FURIN: variants seen among roughly 807,000 people sequenced by gnomAD.
FURIN encodes the protein FES upstream region.
Under a neutral mutation model 89.2 loss-of-function variants are expected in FURIN, and 18 were observed. That is an observed-to-expected ratio of 0.20 (90% CI 0.14 to 0.30). The LOEUF (loss-of-function observed/expected upper bound fraction) is 0.30. Ranked by LOEUF, FURIN falls within the 10% of genes least tolerant of loss-of-function variation. The pLI is 1.00. For synonymous variants in FURIN, 508 were observed against 466.4 expected, an observed-to-expected ratio of 1.09 and a Z score of -1.15; for missense variants, 879 against 1,100.5, an observed-to-expected ratio of 0.80 and a Z score of 2.85.
intron 8 of FURIN, 33 bp downstream of exon 8, chr15:90,878,337 A>G: frequency 6.5e-7 from 1 of 1,527,012 alleles, no homozygotes; most frequent in South Asian, 1.2e-5. Flanking sequence ...CCCTGCGGGC[A>G]GGTTGGGTGC....
chr15:90,870,536 G>A (rs1185425207), intron 1 of FURIN, among the ~76,000 whole-genome samples: 5 of 152,136 alleles, frequency 3.3e-5, no homozygotes, highest in African/African-American at 1.2e-4. Context: ...TGTGCAGCCA[G>A]GTTATCTCAC....
At position 90,882,265 on chromosome 15, in the gene FURIN, G is replaced by A. The variant is rs6228; in HGVS notation, c.*387G>A. 9,775 of 225,490 alleles carry A rather than the reference G, an allele frequency of 0.043. 967 individuals are homozygous for A. Among genetic ancestry groups the A allele is most frequent in the African/African-American group, 0.21 (8,839 of 42,478 alleles). The allele number at this position is 225,490 out of a possible 1,614,324, so 14.0% of individuals were successfully genotyped here. A position where few individuals can be genotyped will look rare whatever the true frequency, so the allele number is the denominator to read the frequency against. ...CTAAAGCAATAATGGTCCCATCCAG[G>A]CAGTCGGGGGCTGGCCTAGGAGATA... On this transcript the variant is annotated 3_prime_UTR_variant, in exon 16 of 16. Coordinates refer to ENST00000268171, the MANE Select transcript of FURIN (RefSeq NM_002569.4).
At chr15:90,873,686 C>T (rs2031448783) in intron 1 of FURIN, among the ~76,000 whole-genome samples, 1 of 152,134 alleles carries the variant, frequency 6.6e-6, no homozygotes, top group African/African-American at 2.4e-5. Context: ...AGCTGCCCAG[C>T]CATTGATCAG....
chr15:90,880,664 C>T (rs1257386243), intron 13 of FURIN, 27 bp from the exon 14 acceptor site: 1 of 1,602,850 alleles, frequency 6.2e-7, no homozygotes. Flanking sequence ...GCAGAGGCCT[C>T]AGGGCTGTGT....
chr15:90,870,679 G>A (rs1348488227), intron 1 of FURIN, among the ~76,000 whole-genome samples: 1 of 152,200 alleles, frequency 6.6e-6, no homozygotes, highest in African/African-American at 2.4e-5. Flanking sequence ...TAGCACAAAC[G>A]TTTTCTAGGG....
In FURIN at chr15:90,879,754, C is replaced by A. The variant is rs201632544; in HGVS notation, c.1238C>A (p.Thr413Asn). 3 of 1,613,726 alleles carry A rather than the reference C, an allele frequency of 1.9e-6. No individual in the cohort carries two copies. The highest frequency in any genetic ancestry group is 2.5e-6 in the Non-Finnish European group (3 of 1,179,950). The stretch of plus-strand genomic sequence containing the variant: ...CACCTCAATGCCAACGACTGGGCCA[C>A]CAATGGTGTGGGCCGGAAAGGTGAG... ...PAHLNANDWA[T>N]NGVGRKVSHS... The change falls in exon 11 of 16, where the codon ACC (threonine) becomes AAC (asparagine). Residue 413 changes from threonine to asparagine, a missense_variant. Coordinates refer to ENST00000268171, the MANE Select transcript of FURIN (RefSeq NM_002569.4).
chr15:90,871,866 G>C (rs1467321596), intron 1 of FURIN, among the ~76,000 whole-genome samples: 2 of 150,762 alleles, frequency 1.3e-5, no homozygotes, highest in Non-Finnish European at 3.0e-5. Context: ...GGAGCAGACA[G>C]GGCGCTCCGC....
At position 90,880,150 on chromosome 15, in the gene FURIN, C is replaced by A. The variant is rs1466062432; in HGVS notation, c.1433C>A (p.Pro478His). The stretch of plus-strand genomic sequence containing the variant: ...ACCGTGACCGCGTGCCTGGGCGAGC[C>A]CAACCACATCACTCGGCTGGAGCAC... ...RKTVTACLGE[P>H]NHITRLEHAQ... The change falls in exon 13 of 16, where the codon CCC becomes CAC. Residue 478 changes from proline (P) to histidine (H), a missense_variant. This residue lies in a region of FURIN where 457 missense variants were observed against 490.7 expected (regional missense o/e 0.93). Coordinates refer to ENST00000268171, the MANE Select transcript of FURIN (RefSeq NM_002569.4). 1 of 1,612,462 alleles carries A rather than the reference C, an allele frequency of 6.2e-7. No individual in the cohort carries two copies. The highest frequency in any genetic ancestry group is 8.5e-7 in the Non-Finnish European group (1 of 1,179,508).
rs1657055184 is a variant in FURIN, at chr15:90,880,099, T to C, written c.1382T>C (p.Ile461Thr). ...CATGGTGCTCTCCTGCACAGAGACA[T>C]CGGGAAACGGCTCGAGGTGCGGAAG... ...IIDILTEPKD[I>T]GKRLEVRKTV... The change falls in exon 13 of 16, where the codon ATC becomes ACC. Residue 461 changes from isoleucine to threonine, a missense_variant. This residue lies in a region of FURIN where 457 missense variants were observed against 490.7 expected (regional missense o/e 0.93). Transcript: ENST00000268171. The C allele has an allele frequency of 6.2e-7, 1 of 1,604,744 alleles. No homozygotes were observed. The highest frequency in any genetic ancestry group is 8.5e-7 in the Non-Finnish European group (1 of 1,174,000).
rs1011471364 is a variant in FURIN, at chr15:90,876,854, A to G, written c.373-42A>G. The G allele has an allele frequency of 8.1e-6, 13 of 1,607,800 alleles. No individual in the cohort carries two copies. Among genetic ancestry groups the G allele is most frequent in the East Asian group, 6.7e-5 (3 of 44,734 alleles). The stretch of plus-strand genomic sequence containing the variant: ...TTCAAGATGCTCCTAGCCTCACAAA[A>G]CCAATCATGTCTCATAAGTGATGGG... On this transcript the variant is annotated intron_variant, in intron 4 of 15. Coordinates refer to ENST00000268171, the MANE Select transcript of FURIN (RefSeq NM_002569.4). The surrounding 1 kb of genome is among the most constrained non-coding windows in gnomAD (Gnocchi z 5.0).
chr15:90,874,270 G>C (rs888346266), intron 1 of FURIN, among the ~76,000 whole-genome samples: 4 of 152,256 alleles, frequency 2.6e-5, no homozygotes, highest in African/African-American at 9.6e-5. Context: ...ACAACACTCG[G>C]ACTATTGATT....
At chr15:90,870,542 C>T (rs1416842628) in intron 1 of FURIN, among the ~76,000 whole-genome samples, 1 of 152,104 alleles carries the variant, frequency 6.6e-6, no homozygotes, top group Non-Finnish European at 1.5e-5. Context: ...GCCAGGTTAT[C>T]TCACAGGGAG....
intron 2 of FURIN, 58 bp downstream of exon 2, chr15:90,875,975 T>G: frequency 7.1e-7 from 1 of 1,399,862 alleles, no homozygotes; most frequent in Non-Finnish European, 9.7e-7. Context: ...ACAGGGATTC[T>G]GGGAGCAGGA....
chr15:90,875,825 G>C lies in FURIN; in HGVS notation c.85G>C (p.Val29Leu). 1 of 1,570,394 alleles carries C rather than the reference G, an allele frequency of 6.4e-7. No individual in the cohort carries two copies. The highest frequency in any genetic ancestry group is 1.9e-5 in the Admixed American group (1 of 52,278). ...AGCAGCTGATGCTCAGGGCCAGAAGGTCTTCACCAACACGTGGGCTGTGCG... is the reference window on the plus strand; with the variant it reads ...AGCAGCTGATGCTCAGGGCCAGAAGCTCTTCACCAACACGTGGGCTGTGCG... ...LLAADAQGQK[V>L]FTNTWAVRIP... Residue 29 changes from valine (V) to leucine (L), a missense_variant, in exon 2 of 16, where the codon GTC becomes CTC. Val to Leu is a conservative substitution (Grantham distance 32, BLOSUM62 1). Coordinates refer to ENST00000268171, the MANE Select transcript of FURIN (RefSeq NM_002569.4).
In FURIN at chr15:90,881,224, G is replaced by T; in HGVS notation, c.1793-62G>T. 1 of 1,364,150 alleles carries T rather than the reference G, an allele frequency of 7.3e-7. No individual in the cohort carries two copies. Among genetic ancestry groups the T allele is most frequent in the Non-Finnish European group, 1.0e-6 (1 of 979,952 alleles). 84.5% of individuals were successfully genotyped at this position (1,364,150 alleles called of 1,614,324 possible). On this transcript the variant is annotated intron_variant, in intron 15 of 15. Coordinates refer to ENST00000268171, the MANE Select transcript of FURIN (RefSeq NM_002569.4). This position sits in a 1 kb window ranked among gnomAD's most constrained non-coding sequence, Gnocchi z 4.3. ...TGTGGTGACTTGGCTTGGGGCTGCTGTGGTCCTGGGGCTACAGTCTGTTTA... is the reference window on the plus strand; with the variant it reads ...TGTGGTGACTTGGCTTGGGGCTGCTTTGGTCCTGGGGCTACAGTCTGTTTA...
At position 90,876,495 on chromosome 15, in the gene FURIN, C is replaced by T. The variant is rs374973196; in HGVS notation, c.310C>T (p.Arg104Trp). Residue 104 changes from arginine to tryptophan, a missense_variant, in exon 4 of 16, where the codon CGG (arginine) becomes TGG (tryptophan). By Grantham distance (101) the Arg-to-Trp change is moderately radical (BLOSUM62 -3). Around this residue, in one of 5 missense-constraint regions of FURIN, gnomAD observed 139 missense variants for 215.0 expected, o/e 0.65. Transcript: ENST00000268171. The surrounding 1 kb of genome is among the most constrained non-coding windows in gnomAD (Gnocchi z 5.0). The part of the protein sequence containing the change: ...QWLEQQVAKR[R>W]TKRDVYQEPT... ...GCTGGAACAGCAGGTGGCAAAGCGA[C>T]GGACTAAACGGGACGTGTACCAGGA... is the stretch of plus-strand genomic sequence containing the variant. The T allele has an allele frequency of 1.9e-6, 3 of 1,613,876 alleles. No individual in the cohort carries two copies. The highest frequency in any genetic ancestry group is 2.5e-6 in the Non-Finnish European group (3 of 1,179,802).
At chr15:90,878,015 C>A in intron 7 of FURIN, 117 bp from the exon 8 acceptor site, 1 of 948,972 alleles carries the variant, frequency 1.1e-6, no homozygotes, top group Non-Finnish European at 1.6e-6. Flanking sequence ...CAGCATCAGC[C>A]TCCACCCTTC....
chr15:90,878,076 G>T (rs1430373088), intron 7 of FURIN, 56 bp from the exon 8 acceptor site: 3 of 1,567,002 alleles, frequency 1.9e-6, no homozygotes, highest in Non-Finnish European at 2.6e-6. Flanking sequence ...TGGGGTGGGG[G>T]CCCTGACAGC....
In FURIN at chr15:90,880,286, TCCCTGCCCG is replaced by T. The variant is rs1457751130; in HGVS notation, c.1556+22_1556+30del. On this transcript the variant is annotated intron_variant, in intron 13 of 15. Coordinates refer to ENST00000268171, the MANE Select transcript of FURIN (RefSeq NM_002569.4). ...TGCTGGCAGCCAGGTGCTTGCTCTG[TCCCTGCCCG>T]CCCTGCCCAGCGCCGCCGCCTCTCA... 6.3e-7 allele frequency: 1 copy of T among 1,588,494 alleles called. No homozygotes were observed. Among genetic ancestry groups the T allele is most frequent in the South Asian group, 1.1e-5 (1 of 88,890 alleles).
Sources: allele counts gnomAD v4.1 joint callset (sites outside exome capture counted in the v4.1 genomes callset), GRCh38; gene constraint gnomAD v4.1.1; regional missense constraint gnomAD v4.1.1; non-coding constraint Gnocchi (gnomAD v3.1); transcripts MANE v1.5; gene names NCBI Gene and HGNC (gene_info 2026-07-23, HGNC 2026-07-21).